SDK1: variants seen among roughly 807,000 people sequenced by gnomAD.
SDK1 encodes the protein protein sidekick-1.
A neutral mutation model predicts 245.5 loss-of-function variants in SDK1; 157 were observed. That is an observed-to-expected ratio of 0.64 (90% CI 0.56 to 0.73). SDK1 has a LOEUF of 0.73. Ranked by LOEUF, SDK1 falls within the 30% of genes least tolerant of loss-of-function variation. The probability of loss-of-function intolerance (pLI) is 0.00; values close to 1 mark genes in which losing one functional copy is unlikely to be tolerated. For missense variants in SDK1, 3,583 were observed against 3,002.3 expected (o/e 1.19, Z -4.52); for synonymous variants, 1,647 against 1,278.5 (o/e 1.29, Z -6.15).
At chr7:3,968,059 C>G (rs62439589) in intron 10 of SDK1, among the ~76,000 whole-genome samples, 2 of 152,250 alleles carry the variant, frequency 1.3e-5, no homozygotes, top group African/African-American at 2.4e-5. Context: ...CGGGCCTTAC[C>G]GTGTCAAGGA....
chr7:3,900,190 T>G (rs930711661), intron 5 of SDK1, among the ~76,000 whole-genome samples: 3 of 152,338 alleles, frequency 2.0e-5, no homozygotes, highest in African/African-American at 7.2e-5. Context: ...TTATTACATA[T>G]TTTCATCCCC....
intron 17 of SDK1, among the ~76,000 whole-genome samples, chr7:4,043,815 T>C (rs1035075107): frequency 1.3e-5 from 2 of 152,178 alleles, no homozygotes; most frequent in Non-Finnish European, 1.5e-5. Context: ...GAGTCAGTAA[T>C]TGGGCTTCGT....
chr7:3,750,521 A>G (rs1172449592), intron 4 of SDK1, among the ~76,000 whole-genome samples: 1 of 152,152 alleles, frequency 6.6e-6, no homozygotes, highest in African/African-American at 2.4e-5. Flanking sequence ...GGCGAGAGAG[A>G]TTGAGAGGGA....
chr7:4,093,458 C>CAA (rs71032922), intron 22 of SDK1, among the ~76,000 whole-genome samples: 151 of 77,696 alleles, frequency 1.9e-3, no homozygotes, highest in East Asian at 6.3e-3. Flanking sequence ...AAATGGAAAG[C>CAA]AAAAAAAAAA....
chr7:3,469,289 G>T (rs1256535457), intron 1 of SDK1, among the ~76,000 whole-genome samples: 2 of 152,122 alleles, frequency 1.3e-5, no homozygotes, highest in East Asian at 3.9e-4. Context: ...ACATTAGTCA[G>T]GGGTGGTAGC....
At chr7:3,703,638 A>C (rs1784804520) in intron 4 of SDK1, among the ~76,000 whole-genome samples, 1 of 152,182 alleles carries the variant, frequency 6.6e-6, no homozygotes, top group Non-Finnish European at 1.5e-5. Context: ...TATTTCCTTA[A>C]GCAGTATCCA....
chr7:3,867,117 A>G (rs1311188115), intron 5 of SDK1, among the ~76,000 whole-genome samples: 1 of 152,242 alleles, frequency 6.6e-6, no homozygotes, highest in Non-Finnish European at 1.5e-5. Context: ...TGTAAAAGCT[A>G]AGAAAAATTA....
At chr7:3,693,841 G>A (rs1370243132) in intron 4 of SDK1, among the ~76,000 whole-genome samples, 5 of 152,080 alleles carry the variant, frequency 3.3e-5, no homozygotes, top group African/African-American at 1.2e-4. Context: ...AAGCTGCAGT[G>A]AACACCTGGT....
intron 1 of SDK1, among the ~76,000 whole-genome samples, chr7:3,338,942 G>A (rs1200183504): frequency 1.3e-5 from 2 of 152,132 alleles, no homozygotes; most frequent in South Asian, 4.1e-4. Context: ...TAATTAAATG[G>A]CAGGCTTAGG....
intron 1 of SDK1, among the ~76,000 whole-genome samples, chr7:3,492,300 C>A (rs1446761445): frequency 1.3e-5 from 2 of 152,150 alleles, no homozygotes. Flanking sequence ...CGAGACCATC[C>A]TGGCTAACAC....
intron 1 of SDK1, among the ~76,000 whole-genome samples, chr7:3,559,914 G>A (rs1779696676): frequency 6.6e-6 from 1 of 152,136 alleles, no homozygotes; most frequent in African/African-American, 2.4e-5. Flanking sequence ...AATGTTTCAG[G>A]ATGATTGATG....
intron 4 of SDK1, 44 bp downstream of exon 4, chr7:3,642,149 T>C (rs775725411): frequency 2.0e-5 from 32 of 1,585,720 alleles, no homozygotes; most frequent in Non-Finnish European, 2.8e-5. Context: ...AATTGTAATG[T>C]CACTTGCTGG....
intron 1 of SDK1, among the ~76,000 whole-genome samples, chr7:3,335,606 G>A (rs1283950904): frequency 6.6e-6 from 1 of 152,012 alleles, no homozygotes; most frequent in Non-Finnish European, 1.5e-5. Context: ...AGGATAAGAG[G>A]GTCTTTGTGG....
intron 30 of SDK1, among the ~76,000 whole-genome samples, chr7:4,155,359 C>A (rs772366079): frequency 6.6e-6 from 1 of 152,208 alleles, no homozygotes; most frequent in Admixed American, 6.5e-5. Context: ...CCTTTGCACC[C>A]AAACCCATTT....
intron 30 of SDK1, among the ~76,000 whole-genome samples, chr7:4,150,807 G>C (rs116047982): frequency 6.6e-6 from 1 of 152,224 alleles, no homozygotes; most frequent in African/African-American, 2.4e-5. Flanking sequence ...AAAGAGAAGA[G>C]AAACCTCCAA....
At position 3,756,716 on chromosome 7, in the gene SDK1, C is replaced by G. The variant is rs1779943543; in HGVS notation, c.714-64734C>G. Among the ~76,000 whole-genome samples the G allele has an allele frequency of 2.0e-5, 3 of 152,228 alleles. No homozygotes were observed. In the South Asian group the frequency reaches 6.2e-4, roughly 32 times the overall value. On this transcript the variant is annotated intron_variant, in intron 4 of 44. Transcript: ENST00000404826. ...ACCATTTTTACTCTTTCTGTACTGTCTACAACTTTGACCCTTTTGAAGAGT... is the reference window on the plus strand; with the variant it reads ...ACCATTTTTACTCTTTCTGTACTGTGTACAACTTTGACCCTTTTGAAGAGT...
intron 2 of SDK1, among the ~76,000 whole-genome samples, chr7:3,625,938 C>G (rs1025063586): frequency 1.2e-4 from 12 of 101,862 alleles, no homozygotes; most frequent in Admixed American, 5.6e-4. Context: ...TCTTTCTTTT[C>G]TTTCTTTTTT....
chr7:4,220,116 C>A lies in SDK1; in HGVS notation c.5547C>A (p.Ser1849Arg). 6.2e-7 allele frequency: 1 copy of A among 1,613,656 alleles called. No individual in the cohort carries two copies. The highest frequency in any genetic ancestry group is 8.5e-7 in the Non-Finnish European group (1 of 1,179,728). ...TGCTTCTGGCGGCTGCAGGGGTGAGCAAGGTGGTGACCGTGGAAGTGAGAG... is the reference window on the plus strand; with the variant it reads ...TGCTTCTGGCGGCTGCAGGGGTGAGAAAGGTGGTGACCGTGGAAGTGAGAG... ...YEPLAPVQGV[S>R]KVVTVEVRGN... Residue 1849 changes from serine (S) to arginine (R), a missense_variant, in exon 39 of 45, where the codon AGC becomes AGA. Coordinates refer to ENST00000404826, the MANE Select transcript of SDK1 (RefSeq NM_152744.4).
At chr7:3,443,078 T>C (rs1158690029) in intron 1 of SDK1, among the ~76,000 whole-genome samples, 13 of 145,016 alleles carry the variant, frequency 9.0e-5, no homozygotes, top group South Asian at 2.2e-4. Flanking sequence ...TTTTTTTTTT[T>C]CCCTCCCAAG....
Sources: gnomAD v4.1 joint callset for allele counts (sites outside exome capture counted in the v4.1 genomes callset) on GRCh38, gnomAD v4.1.1 for gene constraint, MANE v1.5 for transcripts, NCBI Gene and HGNC (gene_info 2026-07-23, HGNC 2026-07-21) for gene names.